TLN2: variants seen among roughly 807,000 people sequenced by gnomAD.
TLN2 encodes the protein talin-2.
A neutral mutation model predicts 294.7 loss-of-function variants in TLN2; 118 were observed. The ratio of observed to expected loss-of-function variants is 0.40; its 90% CI spans 0.34 to 0.47. The LOEUF is 0.47. Among genes scored for constraint, TLN2 ranks in the 20% least tolerant of loss-of-function variants. The probability of loss-of-function intolerance (pLI) is 0.84; values close to 1 mark genes in which losing one functional copy is unlikely to be tolerated. For missense variants in TLN2, 3,083 were observed against 3,282.2 expected, an observed-to-expected ratio of 0.94 and a Z score of 1.48; for synonymous variants, 1,431 against 1,304.5, an observed-to-expected ratio of 1.10 and a Z score of -2.09.
intron 1 of TLN2, among the ~76,000 whole-genome samples, chr15:62,458,647 T>C (rs2036621964): frequency 6.7e-6 from 1 of 149,326 alleles, no homozygotes; most frequent in Non-Finnish European, 1.5e-5. Flanking sequence ...TGCGCACCTA[T>C]AGTCCCGGCT....
At chr15:62,617,495 G>A (rs2048403714) in intron 2 of TLN2, among the ~76,000 whole-genome samples, 1 of 152,052 alleles carries the variant, frequency 6.6e-6, no homozygotes, top group Non-Finnish European at 1.5e-5. Context: ...TAGCAGACAA[G>A]AAACACGACT....
At chr15:62,711,204 A>G (rs781779947) in intron 21 of TLN2, among the ~76,000 whole-genome samples, 8 of 152,260 alleles carry the variant, frequency 5.3e-5, no homozygotes, top group East Asian at 1.9e-4. Flanking sequence ...GAATCGTTCT[A>G]TTTTTTAATG....
intron 1 of TLN2, among the ~76,000 whole-genome samples, chr15:62,524,233 G>A (rs2040613846): frequency 6.6e-6 from 1 of 152,096 alleles, no homozygotes; most frequent in African/African-American, 2.4e-5. Context: ...AAATAAAACT[G>A]TCTTACTGTT....
At chr15:62,796,934 C>T (rs1399158666) in intron 47 of TLN2, among the ~76,000 whole-genome samples, 1 of 152,158 alleles carries the variant, frequency 6.6e-6, no homozygotes, top group African/African-American at 2.4e-5. Context: ...TTTCATTGAA[C>T]TATAGGGCTT....
At chr15:62,766,506 C>G in intron 41 of TLN2, 84 bp downstream of exon 41, 1 of 1,333,756 alleles carries the variant, frequency 7.5e-7, no homozygotes, top group Non-Finnish European at 1.0e-6. Context: ...TTATCATTCC[C>G]AAAAGCCTGT....
chr15:62,721,175 A>G (rs1194396441), intron 25 of TLN2, among the ~76,000 whole-genome samples: 1 of 152,228 alleles, frequency 6.6e-6, no homozygotes, highest in African/African-American at 2.4e-5. Context: ...GGTTGAAAAT[A>G]AATAGAAATT....
At chr15:62,602,282 C>G (rs1287225288) in intron 2 of TLN2, among the ~76,000 whole-genome samples, 1 of 152,134 alleles carries the variant, frequency 6.6e-6, no homozygotes, top group Non-Finnish European at 1.5e-5. Context: ...CTCAGTGATA[C>G]CGTCATATTT....
intron 41 of TLN2, 110 bp downstream of exon 41, chr15:62,766,532 C>A: frequency 2.9e-6 from 3 of 1,018,216 alleles, no homozygotes; most frequent in Non-Finnish European, 2.9e-6. Context: ...AAGTATTGTG[C>A]CTGAGTCCAA....
intron 1 of TLN2, among the ~76,000 whole-genome samples, chr15:62,444,659 G>T (rs895955454): frequency 2.6e-5 from 4 of 152,236 alleles, no homozygotes; most frequent in African/African-American, 9.6e-5. Flanking sequence ...ATGGTGAGGC[G>T]TGTTGGAGTC....
intron 1 of TLN2, among the ~76,000 whole-genome samples, chr15:62,423,342 G>A (rs2034521086): frequency 6.6e-6 from 1 of 152,126 alleles, no homozygotes; most frequent in Non-Finnish European, 1.5e-5. Context: ...TTGTACTCCA[G>A]CCCAGGTGAT....
In TLN2 at chr15:62,840,803, T is replaced by C. The variant is rs16945912; in HGVS notation, c.*193T>C. 0.066 allele frequency: 46,992 copies of C among 716,544 alleles called. 7,504 individuals are homozygous for C. The highest frequency in any genetic ancestry group is 0.49 in the African/African-American group (27,802 of 56,210). 44.4% of individuals were successfully genotyped at this position (716,544 alleles called of 1,614,324 possible). On this transcript the variant is annotated 3_prime_UTR_variant, in exon 59 of 59. Coordinates refer to ENST00000636159, the MANE Select transcript of TLN2 (RefSeq NM_015059.3). ...ATGATCGTGATGTCACACGGTACAA[T>C]GTCCTACCCACAACTCCTCTGCCGC...
chr15:62,635,683 C>G (rs989569038), intron 3 of TLN2, among the ~76,000 whole-genome samples: 1 of 152,106 alleles, frequency 6.6e-6, no homozygotes, highest in Non-Finnish European at 1.5e-5. Flanking sequence ...GACATAATCT[C>G]TATTAAGCCT....
intron 3 of TLN2, among the ~76,000 whole-genome samples, chr15:62,629,569 G>T (rs2049590773): frequency 6.6e-6 from 1 of 152,094 alleles, no homozygotes; most frequent in South Asian, 2.1e-4. Flanking sequence ...CCCAAATGAG[G>T]TATTTTCCAA....
At chr15:62,643,742 A>C (rs1287393401) in intron 3 of TLN2, among the ~76,000 whole-genome samples, 1 of 152,078 alleles carries the variant, frequency 6.6e-6, no homozygotes, top group African/African-American at 2.4e-5. Context: ...GGTCAAAGGC[A>C]TCAGGAGGTG....
chr15:62,620,261 C>G (rs2048680995), intron 3 of TLN2, among the ~76,000 whole-genome samples: 1 of 152,230 alleles, frequency 6.6e-6, no homozygotes, highest in South Asian at 2.1e-4. Flanking sequence ...ATAATCAGTG[C>G]AGTAAAAATT....
Position 62,659,407 on chromosome 15 carries a change from G to A in TLN2, c.788+1509G>A, listed in dbSNP as rs2053580000. ...AAGGTACTTAAAACTGGGATTACAA[G>A]GTGCTTTGGTCTACTTCCTAGTATG... On this transcript the variant is annotated intron_variant, in intron 9 of 58. Transcript: ENST00000636159. 2.6e-5 allele frequency among the ~76,000 whole-genome samples: 4 copies of A among 152,168 alleles called. No individual in the cohort carries two copies. In the South Asian group the frequency reaches 8.3e-4, roughly 32 times the overall value.
At chr15:62,502,196 C>T (rs2039345000) in intron 1 of TLN2, among the ~76,000 whole-genome samples, 1 of 152,226 alleles carries the variant, frequency 6.6e-6, no homozygotes, top group South Asian at 2.1e-4. Context: ...CATGCTGCTG[C>T]TCCTTTTGTG....
At chr15:62,463,028 TC>T (rs1449525258) in intron 1 of TLN2, among the ~76,000 whole-genome samples, 6 of 152,194 alleles carry the variant, frequency 3.9e-5, no homozygotes, top group Admixed American at 2.0e-4. Flanking sequence ...GGGTACTTAT[TC>T]CCCGTCAGAG....
At chr15:62,621,627 C>T (rs1281804803) in intron 3 of TLN2, among the ~76,000 whole-genome samples, 1 of 152,130 alleles carries the variant, frequency 6.6e-6, no homozygotes, top group Non-Finnish European at 1.5e-5. Context: ...GGCAGAGGTA[C>T]TTATATGTTT....
Sources: gnomAD v4.1 joint callset for allele counts (sites outside exome capture counted in the v4.1 genomes callset) on GRCh38, gnomAD v4.1.1 for gene constraint, MANE v1.5 for transcripts, NCBI Gene and HGNC (gene_info 2026-07-23, HGNC 2026-07-21) for gene names.